Variants in SSPN observed in about 807,000 individuals in gnomAD.
The protein encoded by SSPN is K-ras oncogene-associated protein.
In SSPN, 15 loss-of-function variants were observed where a neutral mutation model predicts 19.1. The ratio of observed to expected loss-of-function variants is 0.78; its 90% confidence interval spans 0.52 to 1.21. The LOEUF is 1.21. SSPN is among the 50% of genes most tolerant of loss of function. The pLI is 0.00. For synonymous variants in SSPN, 147 were observed against 140.3 expected, an observed-to-expected ratio of 1.05 and a Z score of -0.34; for missense variants, 291 against 314.0, an observed-to-expected ratio of 0.93 and a Z score of 0.55.
intron 1 of SSPN, among the ~76,000 whole-genome samples, chr12:26,146,350 A>G (rs1180417780): frequency 6.6e-6 from 1 of 152,108 alleles, no homozygotes; most frequent in Non-Finnish European, 1.5e-5. Context: ...CCTCAGTCTC[A>G]CCCTCGTTCT....
intron 1 of SSPN, chr12:26,211,151 C>G (rs549173046): frequency 6.6e-6 from 1 of 152,220 alleles, no homozygotes; most frequent in East Asian, 1.9e-4. Flanking sequence ...GACTGTTCAG[C>G]CCAGTTTTCA....
At chr12:26,131,150 C>T (rs1365864425) in intron 1 of SSPN, among the ~76,000 whole-genome samples, 3 of 152,176 alleles carry the variant, frequency 2.0e-5, no homozygotes, top group Admixed American at 2.0e-4. Flanking sequence ...GAGTTGGCAG[C>T]ATCATTTTAT....
At chr12:26,207,039 T>C (rs1019703572) in intron 1 of SSPN, among the ~76,000 whole-genome samples, 1 of 152,276 alleles carries the variant, frequency 6.6e-6, no homozygotes, top group African/African-American at 2.4e-5. Flanking sequence ...CCTTAAACAA[T>C]GTACCGTGCT....
chr12:26,177,117 T>A (rs1248132987), intron 1 of SSPN, among the ~76,000 whole-genome samples: 1 of 152,182 alleles, frequency 6.6e-6, no homozygotes, highest in Non-Finnish European at 1.5e-5. Context: ...TGAGCAAAGC[T>A]GAATGATTGA....
intron 1 of SSPN, among the ~76,000 whole-genome samples, chr12:26,221,693 T>C (rs1319515644): frequency 6.6e-5 from 10 of 152,202 alleles, no homozygotes; most frequent in Non-Finnish European, 1.3e-4. Flanking sequence ...AATGTGTCTC[T>C]TATGGAGACA....
chr12:26,158,045 A>G (rs1330199864), intron 1 of SSPN, among the ~76,000 whole-genome samples: 2 of 152,120 alleles, frequency 1.3e-5, no homozygotes, highest in Admixed American at 1.3e-4. Flanking sequence ...GCAACTAGAA[A>G]TGGCGAATAG....
intron 1 of SSPN, among the ~76,000 whole-genome samples, chr12:26,140,800 C>T (rs1339990794): frequency 6.6e-6 from 1 of 152,178 alleles, no homozygotes; most frequent in African/African-American, 2.4e-5. Flanking sequence ...ACCAATTAAA[C>T]CCCTTTTCTT....
chr12:26,201,021 AT>A (rs1399591893), intron 1 of SSPN, among the ~76,000 whole-genome samples: 1 of 43,772 alleles, frequency 2.3e-5, no homozygotes, highest in Non-Finnish European at 3.9e-5. Flanking sequence ...GTATATATAT[AT>A]ATATATATAT....
chr12:26,124,037 T>A, intron 1 of SSPN: 1 of 1,384,504 alleles, frequency 7.2e-7, no homozygotes, highest in Non-Finnish European at 1.0e-6. Context: ...AACACGCCCT[T>A]GGAGAGCAGC....
intron 1 of SSPN, among the ~76,000 whole-genome samples, chr12:26,203,245 A>G (rs529646636): frequency 1.3e-5 from 2 of 152,346 alleles, no homozygotes; most frequent in Middle Eastern, 3.4e-3. Flanking sequence ...TTAATTAGGT[A>G]TAATTCACTG....
chr12:26,123,490 A>G, intron 1 of SSPN: 1 of 739,390 alleles, frequency 1.4e-6, no homozygotes, highest in South Asian at 1.5e-5. Flanking sequence ...ATGAAGGGAA[A>G]GTATAAGCAA....
intron 1 of SSPN, among the ~76,000 whole-genome samples, chr12:26,183,608 T>C (rs1439572147): frequency 6.6e-6 from 1 of 152,190 alleles, no homozygotes; most frequent in African/African-American, 2.4e-5. Flanking sequence ...TAGAATTCAA[T>C]CTCTAGCCAA....
chr12:26,193,769 A>G (rs1454030624), upstream of SSPN, among the ~76,000 whole-genome samples: 1 of 152,184 alleles, frequency 6.6e-6, no homozygotes, highest in Non-Finnish European at 1.5e-5. Flanking sequence ...TCTGCATGGA[A>G]CTGGGATGTG....
At chr12:26,222,923 C>T (rs927298258) in intron 1 of SSPN, among the ~76,000 whole-genome samples, 4 of 152,140 alleles carry the variant, frequency 2.6e-5, no homozygotes, top group East Asian at 3.9e-4. Context: ...TATGCAATAG[C>T]CAAGATGTAT....
At chr12:26,219,817 G>A (rs539176402) in intron 1 of SSPN, among the ~76,000 whole-genome samples, 26 of 152,242 alleles carry the variant, frequency 1.7e-4, no homozygotes, top group South Asian at 1.7e-3. Flanking sequence ...TGCCACACAC[G>A]TGCCATTTGC....
chr12:26,227,014 A>G (rs1352866811), intron 2 of SSPN, among the ~76,000 whole-genome samples: 1 of 152,082 alleles, frequency 6.6e-6, no homozygotes, highest in African/African-American at 2.4e-5. Flanking sequence ...CCCGCTGCGC[A>G]GCGCCGGGCT....
chr12:26,201,032 T>A lies in SSPN; in HGVS notation c.279+5081T>A, dbSNP rs1479367732. ...TTGTGTATATATATATATATATATA[T>A]ATATATATATATATTATATATATAT... On this transcript the variant is annotated intron_variant, in intron 1 of 2. Transcript: ENST00000242729. Among the ~76,000 whole-genome samples, 8 of 38,184 alleles carry A rather than the reference T, an allele frequency of 2.1e-4. 1 individual carries two copies. The highest frequency in any genetic ancestry group is 6.3e-4 in the Admixed American group (2 of 3,172). The allele number at this position is 38,184 out of a possible 152,430, so 25.1% of individuals were successfully genotyped here.
chr12:26,151,618 C>A (rs1364150417), intron 1 of SSPN, among the ~76,000 whole-genome samples: 4 of 152,154 alleles, frequency 2.6e-5, no homozygotes, highest in Admixed American at 2.6e-4. Context: ...AAGCTCCCTG[C>A]CCCCATGGAG....
chr12:26,182,695 A>G (rs996944349), intron 1 of SSPN, among the ~76,000 whole-genome samples: 7 of 147,890 alleles, frequency 4.7e-5, no homozygotes. Context: ...AAAATAATCT[A>G]TGGCATCTTT....
Sources: gnomAD v4.1 joint callset for allele counts (sites outside exome capture counted in the v4.1 genomes callset) on GRCh38, gnomAD v4.1.1 for gene constraint, MANE v1.5 for transcripts, NCBI Gene and HGNC (gene_info 2026-07-23, HGNC 2026-07-21) for gene names.